The following MYO18B variants were observed in gnomAD, a reference collection of about 807,000 sequenced individuals.
MYO18B encodes the protein unconventional myosin-XVIIIb.
Under a neutral mutation model 273.0 loss-of-function variants are expected in MYO18B, and 204 were observed. That is an observed-to-expected ratio of 0.75 (90% CI 0.67 to 0.84). The LOEUF (loss-of-function observed/expected upper bound fraction) is 0.84, where lower values mean the gene tolerates loss of function less well. MYO18B is among the 40% of genes least tolerant of loss of function. The pLI is 0.00. For synonymous variants in MYO18B, 1,330 were observed against 1,305.7 expected (o/e 1.02, Z -0.40); for missense variants, 3,212 against 3,287.6 (o/e 0.98, Z 0.56).
chr22:25,926,420 G>A (rs1222215752), intron 34 of MYO18B, among the ~76,000 whole-genome samples: 1 of 151,838 alleles, frequency 6.6e-6, no homozygotes, highest in Non-Finnish European at 1.5e-5. Flanking sequence ...GAGTAGCTGG[G>A]ATCACAGGCA....
chr22:25,890,797 A>T lies in MYO18B; in HGVS notation c.4356A>T (p.Lys1452Asn). Residue 1452 changes from lysine (K) to asparagine (N), a missense_variant, in exon 26 of 44, where the codon AAA becomes AAT. Coordinates refer to ENST00000335473, the MANE Select transcript of MYO18B (RefSeq NM_032608.7). ...LTSDLADERF[K>N]GDVACQVLES... is the part of the protein sequence containing the mutation. ...CTGACCTTGCCGATGAGCGCTTCAA[A>T]GGTGATGTGGCCTGCCAGGTGCTGG... 1 of 1,613,912 alleles carries T rather than the reference A, an allele frequency of 6.2e-7. No individual in the cohort carries two copies. The highest frequency in any genetic ancestry group is 8.5e-7 in the Non-Finnish European group (1 of 1,179,868).
intron 8 of MYO18B, among the ~76,000 whole-genome samples, chr22:25,779,157 T>C (rs2087036052): frequency 6.6e-6 from 1 of 152,160 alleles, no homozygotes; most frequent in Admixed American, 6.5e-5. Flanking sequence ...CTTCTAAGAA[T>C]CAGTTTTTGC....
downstream of MYO18B, among the ~76,000 whole-genome samples, chr22:26,034,353 G>A (rs1328692731): frequency 6.6e-6 from 1 of 152,204 alleles, no homozygotes; most frequent in African/African-American, 2.4e-5. Flanking sequence ...TTAGCCCCAG[G>A]TCAAAGAGTC....
intron 1 of MYO18B, among the ~76,000 whole-genome samples, chr22:25,759,859 C>G (rs1443973358): frequency 1.3e-5 from 2 of 152,132 alleles, no homozygotes; most frequent in Non-Finnish European, 1.5e-5. Flanking sequence ...GACTTCATGT[C>G]TGCTCTTTCA....
intron 42 of MYO18B, among the ~76,000 whole-genome samples, chr22:26,005,686 C>T (rs1934359391): frequency 6.6e-6 from 1 of 152,136 alleles, no homozygotes; most frequent in African/African-American, 2.4e-5. Context: ...TTTTTGTGAA[C>T]AGAAGGCCCA....
At chr22:26,049,944 ACT>A in the MYO18B span, among the ~76,000 whole-genome samples, 1 of 152,236 alleles carries the variant, frequency 6.6e-6, no homozygotes, top group African/African-American at 2.4e-5. Flanking sequence ...CAAAATGTAG[ACT>A]CAATACATTG....
Position 25,769,175 on chromosome 22 carries a change from AGGAG to A in MYO18B, c.1261_1264del (p.Glu421Ter). On this transcript the variant is annotated frameshift_variant, in exon 4 of 44. Coordinates refer to ENST00000335473, the MANE Select transcript of MYO18B (RefSeq NM_032608.7). LOFTEE classifies it high-confidence loss of function. Reference sequence around the variant, plus strand: ...ACAGAGAAGGGCTGTGAAGCCCCAAAGGAGGTGAGCACAATGGTGGAGTCGCCAG... The same window carrying A: ...ACAGAGAAGGGCTGTGAAGCCCCAAAGTGAGCACAATGGTGGAGTCGCCAG... The A allele has an allele frequency of 6.2e-7, 1 of 1,612,244 alleles. No individual in the cohort carries two copies. The highest frequency in any genetic ancestry group is 1.3e-5 in the African/African-American group (1 of 75,048).
intron 12 of MYO18B, among the ~76,000 whole-genome samples, chr22:25,806,934 C>T (rs1470546430): frequency 2.0e-5 from 3 of 152,214 alleles, no homozygotes; most frequent in Non-Finnish European, 4.4e-5. Context: ...AATAACTCCA[C>T]CTACCTTCTA....
At chr22:25,771,099 C>A in intron 6 of MYO18B, 115 bp downstream of exon 6, 1 of 783,794 alleles carries the variant, frequency 1.3e-6, no homozygotes, top group South Asian at 1.7e-5. Flanking sequence ...ACTACCAATA[C>A]CATTTTGGCT....
chr22:25,865,803 C>T (rs1452918108), intron 21 of MYO18B, among the ~76,000 whole-genome samples: 3 of 152,082 alleles, frequency 2.0e-5, no homozygotes, highest in Admixed American at 2.0e-4. Flanking sequence ...TTTCATTGGT[C>T]ATATATTTCC....
At chr22:25,919,144 C>T (rs927740689) in intron 33 of MYO18B, among the ~76,000 whole-genome samples, 5 of 152,116 alleles carry the variant, frequency 3.3e-5, no homozygotes, top group African/African-American at 1.2e-4. Flanking sequence ...GTGCTTTCTA[C>T]CTAAAATGCT....
chr22:25,787,903 A>G (rs1465425371), intron 11 of MYO18B, among the ~76,000 whole-genome samples: 2 of 152,126 alleles, frequency 1.3e-5, no homozygotes, highest in African/African-American at 2.4e-5. Context: ...GCTTTGGCCC[A>G]AAATATCCGT....
At chr22:26,036,584 G>T in the MYO18B span, among the ~76,000 whole-genome samples, 2 of 152,174 alleles carry the variant, frequency 1.3e-5, no homozygotes, top group East Asian at 3.9e-4. Flanking sequence ...CCTACAGCTT[G>T]TAGGATTCAC....
chr22:25,852,268 C>A (rs778092906), intron 21 of MYO18B, among the ~76,000 whole-genome samples: 5 of 152,166 alleles, frequency 3.3e-5, no homozygotes, highest in Non-Finnish European at 5.9e-5. Flanking sequence ...ATTCAGATCC[C>A]AGCTCAGATA....
chr22:25,768,655 AC>A lies in MYO18B; in HGVS notation c.744del (p.Lys249ArgfsTer5). The A allele has an allele frequency of 6.5e-7, 1 of 1,532,192 alleles. No individual in the cohort carries two copies. The highest frequency in any genetic ancestry group is 1.3e-5 in the South Asian group (1 of 75,338). 94.9% of individuals were successfully genotyped at this position (1,532,192 alleles called of 1,614,324 possible). A position where few individuals can be genotyped will look rare whatever the true frequency, so the allele number is the denominator to read the frequency against. ...AAGCATAGTGGGGAAGGGGCTTGGG[AC>A]CCCCAAGACCACAGAGCTGAAAGAG... Reference protein sequence around the residue: ...GQSIVGKGLGTPKTTELKEAE... With the variant: ...GQSIVGKGLGXPKTTELKEAE... On this transcript the variant is annotated frameshift_variant, in exon 4 of 44. Transcript: ENST00000335473. LOFTEE classifies it high-confidence loss of function.
chr22:25,823,206 AT>A (rs1319791370), intron 12 of MYO18B, among the ~76,000 whole-genome samples: 6 of 152,124 alleles, frequency 3.9e-5, no homozygotes, highest in African/African-American at 1.4e-4. Flanking sequence ...ATCAATCATA[AT>A]TTTACCAACC....
chr22:26,023,715 T>C (rs1936019138), intron 42 of MYO18B, among the ~76,000 whole-genome samples: 1 of 152,168 alleles, frequency 6.6e-6, no homozygotes, highest in African/African-American at 2.4e-5. Context: ...CACTCATTCA[T>C]CACACCCGCC....
chr22:25,763,163 T>TTC, intron 2 of MYO18B, 68 bp from the exon 3 acceptor site: 1 of 1,536,164 alleles, frequency 6.5e-7, no homozygotes, highest in Non-Finnish European at 8.8e-7. Context: ...CATCACAAAC[T>TTC]TTGAAGGGCA....
the MYO18B span, among the ~76,000 whole-genome samples, chr22:26,063,185 T>G: frequency 1.3e-5 from 2 of 152,128 alleles, no homozygotes; most frequent in African/African-American, 4.8e-5. Flanking sequence ...TGAATGATAT[T>G]CAGATTAATA....
Sources: gnomAD v4.1 joint callset for allele counts (sites outside exome capture counted in the v4.1 genomes callset) on GRCh38, gnomAD v4.1.1 for gene constraint, MANE v1.5 for transcripts, NCBI Gene and HGNC (gene_info 2026-07-23, HGNC 2026-07-21) for gene names.